GATAD2A: variants seen among roughly 807,000 people sequenced by gnomAD.
GATAD2A encodes GATA zinc finger domain containing 2A, also known as transcriptional repressor p66-alpha.
A neutral mutation model predicts 68.5 loss-of-function variants in GATAD2A; 12 were observed. The observed-to-expected ratio is 0.18, with a 90% confidence interval of 0.11 to 0.28. The LOEUF (loss-of-function observed/expected upper bound fraction) is 0.28, where lower values mean the gene tolerates loss of function less well. Among genes scored for constraint, GATAD2A ranks in the 10% least tolerant of loss-of-function variants. The pLI is 1.00. For missense variants in GATAD2A, 755 were observed against 868.5 expected, an observed-to-expected ratio of 0.87 and a Z score of 1.64; for synonymous variants, 410 against 375.3, an observed-to-expected ratio of 1.09 and a Z score of -1.07.
chr19:19,454,982 C>T (rs2056792465), intron 1 of GATAD2A, among the ~76,000 whole-genome samples: 1 of 152,160 alleles, frequency 6.6e-6, no homozygotes, highest in Non-Finnish European at 1.5e-5. Context: ...TTCGCAGACA[C>T]GCCCATTCAG....
intron 1 of GATAD2A, chr19:19,464,764 A>G (rs531808765): frequency 6.2e-6 from 1 of 160,458 alleles, no homozygotes; most frequent in South Asian, 1.8e-4. Context: ...CTGGCAACCA[A>G]AGGGTTAAAT....
intron 1 of GATAD2A, among the ~76,000 whole-genome samples, chr19:19,418,842 G>A (rs535566149): frequency 1.3e-5 from 2 of 152,068 alleles, no homozygotes; most frequent in African/African-American, 4.8e-5. Flanking sequence ...GGTTGTGGTC[G>A]CCGGAAGGAA....
Position 19,465,399 on chromosome 19 carries a change from C to G in GATAD2A, c.54C>G (p.Asp18Glu). The G allele has an allele frequency of 6.2e-7, 1 of 1,613,876 alleles. No individual in the cohort carries two copies. Among genetic ancestry groups the G allele is most frequent in the Non-Finnish European group, 8.5e-7 (1 of 1,179,776 alleles). ...GTCAGAAACGAGCGCTTGAACGGGACCCAACAGAGGACGATGTGGAGAGCA... is the reference window on the plus strand; with the variant it reads ...GTCAGAAACGAGCGCTTGAACGGGAGCCAACAGAGGACGATGTGGAGAGCA... ...TRSQKRALER[D>E]PTEDDVESKK... is the part of the protein sequence containing the mutation. The change falls in exon 2 of 12, where the codon GAC becomes GAG. Residue 18 changes from aspartate to glutamate, a missense_variant. Transcript: ENST00000683918.
At chr19:19,389,205 T>C (rs1415521477) in intron 1 of GATAD2A, among the ~76,000 whole-genome samples, 1 of 152,222 alleles carries the variant, frequency 6.6e-6, no homozygotes, top group African/African-American at 2.4e-5. Flanking sequence ...AGGACAGGAA[T>C]GAACTCAGTT....
At chr19:19,399,007 T>A (rs2146937354) in intron 1 of GATAD2A, among the ~76,000 whole-genome samples, 1 of 151,402 alleles carries the variant, frequency 6.6e-6, no homozygotes, top group East Asian at 2.0e-4. Context: ...TGCGGTGAGC[T>A]GAGATCACGC....
intron 1 of GATAD2A, among the ~76,000 whole-genome samples, chr19:19,388,809 A>G (rs1419299720): frequency 6.6e-6 from 1 of 152,042 alleles, no homozygotes; most frequent in Non-Finnish European, 1.5e-5. Context: ...AATAAAAAGG[A>G]AAAGAAAACT....
chr19:19,476,894 T>C (rs963176824), intron 2 of GATAD2A, among the ~76,000 whole-genome samples: 4 of 152,174 alleles, frequency 2.6e-5, no homozygotes, highest in African/African-American at 9.7e-5. Flanking sequence ...TTTTCTTCTC[T>C]CTCTTAAGAT....
intron 1 of GATAD2A, among the ~76,000 whole-genome samples, chr19:19,416,450 T>A (rs1330895304): frequency 1.3e-5 from 2 of 152,162 alleles, no homozygotes; most frequent in African/African-American, 4.8e-5. Context: ...CAGGCAGGCT[T>A]GCTCACTCCC....
chr19:19,457,118 G>A (rs1306225801), intron 1 of GATAD2A: 8 of 985,226 alleles, frequency 8.1e-6, no homozygotes, highest in African/African-American at 7.0e-5. Context: ...CTCTGCCCAC[G>A]CATCCAGTAT....
intron 1 of GATAD2A, among the ~76,000 whole-genome samples, chr19:19,417,946 G>A (rs189143276): frequency 2.4e-4 from 37 of 152,268 alleles, no homozygotes; most frequent in Non-Finnish European, 2.4e-4. Context: ...CCTGCCTTCC[G>A]GGGTCTTAGA....
chr19:19,434,989 G>A, intron 1 of GATAD2A: 1 of 409,542 alleles, frequency 2.4e-6, no homozygotes, highest in Non-Finnish European at 5.4e-6. Flanking sequence ...GTTTCCCTGG[G>A]GTCCATGACA....
intron 2 of GATAD2A, among the ~76,000 whole-genome samples, chr19:19,483,092 C>T (rs1172560274): frequency 6.6e-6 from 1 of 152,208 alleles, no homozygotes; most frequent in Non-Finnish European, 1.5e-5. Flanking sequence ...TGGCCGCCCC[C>T]TGGCTGTGCT....
chr19:19,410,746 T>G (rs2050820379), intron 1 of GATAD2A, among the ~76,000 whole-genome samples: 1 of 152,220 alleles, frequency 6.6e-6, no homozygotes, highest in African/African-American at 2.4e-5. Context: ...AGCCTGTCTC[T>G]AGTGGCATCC....
At chr19:19,463,821 C>T (rs2057659400) in intron 1 of GATAD2A, among the ~76,000 whole-genome samples, 1 of 152,170 alleles carries the variant, frequency 6.6e-6, no homozygotes. Flanking sequence ...CCTGGCTGGA[C>T]CACACTGGCA....
At chr19:19,478,395 G>A (rs1165838658) in intron 2 of GATAD2A, among the ~76,000 whole-genome samples, 2 of 152,140 alleles carry the variant, frequency 1.3e-5, no homozygotes, top group Non-Finnish European at 2.9e-5. Flanking sequence ...GAGGCCAGGA[G>A]TTCGAGACCA....
intron 2 of GATAD2A, 76 bp downstream of exon 2, chr19:19,465,690 C>G: frequency 6.7e-7 from 1 of 1,497,588 alleles, no homozygotes; most frequent in South Asian, 1.2e-5. Flanking sequence ...GCTGGCCACA[C>G]TCCAGGCCTG....
At chr19:19,440,525 TG>T in intron 1 of GATAD2A, 1 of 202,848 alleles carries the variant, frequency 4.9e-6, no homozygotes, top group Non-Finnish European at 1.0e-5. Context: ...CCCAAAGTGC[TG>T]GGATAACAAG....
intron 11 of GATAD2A, among the ~76,000 whole-genome samples, 164 bp downstream of exon 11, chr19:19,502,690 C>G (rs540684860): frequency 6.6e-6 from 1 of 152,192 alleles, no homozygotes; most frequent in Non-Finnish European, 1.5e-5. Context: ...ACCAGGATAC[C>G]CTGAAGAAGT....
chr19:19,400,888 C>T (rs1000876642), upstream of GATAD2A, among the ~76,000 whole-genome samples: 3 of 152,100 alleles, frequency 2.0e-5, no homozygotes, highest in African/African-American at 4.8e-5. Flanking sequence ...TGGCTCCTGC[C>T]TGTAATCCCA....
Sources: allele counts gnomAD v4.1 joint callset (sites outside exome capture counted in the v4.1 genomes callset), GRCh38; gene constraint gnomAD v4.1.1; transcripts MANE v1.5; gene names NCBI Gene and HGNC (gene_info 2026-07-23, HGNC 2026-07-21).